The following TMLHE variants were observed in gnomAD, a reference collection of about 807,000 sequenced individuals.
The protein encoded by TMLHE is trimethyllysine hydroxylase, epsilon, also known as trimethyllysine dioxygenase, mitochondrial.
In TMLHE, 18 loss-of-function variants were observed where a neutral mutation model predicts 25.7. That is an observed-to-expected ratio of 0.70 (90% confidence interval 0.48 to 1.04). The LOEUF (loss-of-function observed/expected upper bound fraction) is 1.04. Ranked by LOEUF, TMLHE falls within the 50% of genes least tolerant of loss-of-function variation. TMLHE has a pLI of 0.00. For missense variants in TMLHE, 236 were observed against 259.0 expected (o/e 0.91, Z 0.61); for synonymous variants, 105 against 97.0 (o/e 1.08, Z -0.49).
intron 1 of TMLHE, among the ~76,000 whole-genome samples, chrX:155,602,923 G>T (rs782655506): frequency 6.2e-5 from 7 of 112,349 alleles, no homozygotes; most frequent in Non-Finnish European, 1.3e-4. Flanking sequence ...GAAAATTAAA[G>T]AAGATCTGAA....
chrX:155,612,297 T>G (rs900563958), intron 1 of TMLHE: 5 of 111,269 alleles, frequency 4.5e-5, no homozygotes, highest in Admixed American at 9.5e-5. Context: ...CAGAGAACAT[T>G]AGTGGATATG....
chrX:155,551,207 G>A (rs1428339311), intron 1 of TMLHE, among the ~76,000 whole-genome samples: 1 of 110,683 alleles, frequency 9.0e-6, no homozygotes, highest in African/African-American at 3.3e-5. Flanking sequence ...AGCAGCTCAT[G>A]TATTTTCTTT....
intron 1 of TMLHE, among the ~76,000 whole-genome samples, chrX:155,594,361 C>CA (rs2067709701): frequency 9.1e-6 from 1 of 110,442 alleles, no homozygotes; most frequent in Non-Finnish European, 1.9e-5. Context: ...ATCTGTCCTT[C>CA]AAAAATGAGG....
chrX:155,525,599 G>T (rs782055455), intron 2 of TMLHE, among the ~76,000 whole-genome samples: 1 of 111,942 alleles, frequency 8.9e-6, no homozygotes, highest in South Asian at 3.7e-4. Flanking sequence ...AGTTTGGAGG[G>T]CTCAGAAGAA....
In TMLHE at chrX:155,506,956, T is replaced by A. The variant is rs782793284; in HGVS notation, c.937A>T (p.Ile313Phe). Reference sequence around the variant, plus strand: ...ATATTTAAGACTGGCCCAATCCCAATCATGTGGTTGTGACATTCTCCAACA... The same window carrying A: ...ATATTTAAGACTGGCCCAATCCCAAACATGTGGTTGTGACATTCTCCAACA... ...EDVGECHNHM[I>F]GIGPVLNIYP... Residue 313 changes from isoleucine to phenylalanine, a missense_variant, in exon 6 of 8, where the codon ATT (isoleucine) becomes TTT (phenylalanine). Physicochemically the swap from Ile to Phe is conservative, Grantham distance 21 (BLOSUM62 0). This residue lies in a region of TMLHE where 19 missense variants were observed against 44.4 expected (regional missense o/e 0.43). Coordinates refer to ENST00000334398, the MANE Select transcript of TMLHE (RefSeq NM_018196.4). 44 of 1,208,001 alleles carry A rather than the reference T, an allele frequency of 3.6e-5. No homozygotes were observed. The highest frequency in any genetic ancestry group is 4.7e-5 in the Non-Finnish European group (42 of 894,049).
intron 1 of TMLHE, among the ~76,000 whole-genome samples, chrX:155,579,814 A>C (rs1557344273): frequency 1.8e-5 from 2 of 111,217 alleles, no homozygotes. Context: ...CTCACCACAT[A>C]AAAAAATCAA....
intron 1 of TMLHE, among the ~76,000 whole-genome samples, chrX:155,577,579 CAA>C (rs1354730869): frequency 6.1e-5 from 5 of 82,335 alleles, no homozygotes; most frequent in Non-Finnish European, 4.8e-5. Flanking sequence ...GACTCTGTCT[CAA>C]AAAAAAAAAA....
Position 155,547,281 on chromosome X carries a change from A to C in TMLHE, c.-1-2004T>G, listed in dbSNP as rs1400004369. 2.7e-4 allele frequency among the ~76,000 whole-genome samples: 24 copies of C among 88,175 alleles called. 1 individual carries two copies. The highest frequency in any genetic ancestry group is 5.2e-4 in the Non-Finnish European group (22 of 42,645). 76.6% of individuals were successfully genotyped at this position (88,175 alleles called of 115,157 possible). A position where few individuals can be genotyped will look rare whatever the true frequency, so the allele number is the denominator to read the frequency against. The stretch of plus-strand genomic sequence containing the variant: ...TGCCTCAGCCTCCCGAGTAGCTGGG[A>C]CTACAGGCACCTGCCACCACGCCCG... On this transcript the variant is annotated intron_variant, in intron 1 of 7. Coordinates refer to ENST00000334398, the MANE Select transcript of TMLHE (RefSeq NM_018196.4).
Position 155,573,599 on chromosome X carries a change from A to C in TMLHE, c.-1-28322T>G, listed in dbSNP as rs1384622041. 8.9e-5 allele frequency among the ~76,000 whole-genome samples: 5 copies of C among 56,377 alleles called. 1 individual carries two copies. Among genetic ancestry groups the C allele is most frequent in the African/African-American group, 2.1e-4 (5 of 23,604 alleles). The allele number at this position is 56,377 out of a possible 115,157, so 49.0% of individuals were successfully genotyped here. ...GAACCAACCCAAATGTCCAACAATG[A>C]TAGACTGGATTAAGAAAATGTGGCA... On this transcript the variant is annotated intron_variant, in intron 1 of 7. Coordinates refer to ENST00000334398, the MANE Select transcript of TMLHE (RefSeq NM_018196.4).
chrX:155,528,954 A>T (rs1206996228), intron 2 of TMLHE, among the ~76,000 whole-genome samples: 2 of 112,212 alleles, frequency 1.8e-5, no homozygotes, highest in Non-Finnish European at 3.8e-5. Context: ...TAGAAAAAAG[A>T]CTAAATGTCT....
At chrX:155,506,811 A>G in intron 6 of TMLHE, 87 bp downstream of exon 6, 1 of 728,221 alleles carries the variant, frequency 1.4e-6, no homozygotes, top group Admixed American at 2.5e-5. Flanking sequence ...AATGTAGCAG[A>G]TATAAGAATC....
Position 155,514,172 on chromosome X carries a change from A to G in TMLHE, c.452T>C (p.Leu151Pro), listed in dbSNP as rs1557334360. 1.7e-6 allele frequency: 2 copies of G among 1,211,231 alleles called. No homozygotes were observed. The highest frequency in any genetic ancestry group is 5.9e-5 in the East Asian group (2 of 33,821). ...QKQKVIQPRILWNAEIYQQAQ... is the reference protein window; with the variant it reads ...QKQKVIQPRIPWNAEIYQQAQ... ...TTGCTGGTAGATTTCAGCATTCCAT[A>G]GTATTCTAGGCTGGATGACTTTTTG... Residue 151 changes from leucine (L) to proline (P), a missense_variant, in exon 4 of 8, where the codon CTA becomes CCA. Leu to Pro is a moderately conservative substitution (Grantham distance 98). This residue lies in a region of TMLHE where 217 missense variants were observed against 214.6 expected (regional missense o/e 1.01). Coordinates refer to ENST00000334398, the MANE Select transcript of TMLHE (RefSeq NM_018196.4).
chrX:155,531,545 C>T (rs1193368670), intron 2 of TMLHE, among the ~76,000 whole-genome samples: 2 of 111,299 alleles, frequency 1.8e-5, no homozygotes, highest in Admixed American at 9.5e-5. Context: ...CCATCAGGCC[C>T]CATTTCTAAC....
At chrX:155,555,438 T>C (rs1557340644) in intron 1 of TMLHE, among the ~76,000 whole-genome samples, 1 of 110,495 alleles carries the variant, frequency 9.1e-6, no homozygotes, top group African/African-American at 3.3e-5. Flanking sequence ...TTGTAGATCC[T>C]TGAGGAATCA....
intron 1 of TMLHE, among the ~76,000 whole-genome samples, chrX:155,576,383 T>A (rs1204134486): frequency 8.9e-6 from 1 of 111,866 alleles, no homozygotes; most frequent in Middle Eastern, 4.2e-3. Flanking sequence ...TGGGAAAACA[T>A]TCCATGTTCA....
At chrX:155,508,701 A>C (rs1179678367) in intron 5 of TMLHE, among the ~76,000 whole-genome samples, 2 of 110,952 alleles carry the variant, frequency 1.8e-5, no homozygotes, top group Non-Finnish European at 3.8e-5. Flanking sequence ...GGTATGTCTC[A>C]GGGATCAAGT....
rs1383854432 is a variant in TMLHE, at chrX:155,489,855, AT to A, written c.*1679del. ...TCTAGGAACTCCCTGCAAACATCAG[AT>A]TAGGCTCTATTCTCTATCTGAATAC... On this transcript the variant is annotated 3_prime_UTR_variant, in exon 8 of 8. Transcript: ENST00000334398. Among the ~76,000 whole-genome samples, 1 of 11,995 alleles carries A rather than the reference AT, an allele frequency of 8.3e-5. No homozygotes were observed. Among genetic ancestry groups the A allele is most frequent in the African/African-American group, 2.9e-4 (1 of 3,487 alleles). The allele number at this position is 11,995 out of a possible 115,157, so 10.4% of individuals were successfully genotyped here. A position where few individuals can be genotyped will look rare whatever the true frequency, so the allele number is the denominator to read the frequency against.
intron 1 of TMLHE, among the ~76,000 whole-genome samples, chrX:155,557,812 A>G (rs1465385913): frequency 9.0e-6 from 1 of 111,317 alleles, no homozygotes; most frequent in East Asian, 2.8e-4. Context: ...TCAATACTTC[A>G]TTAAAAAAAG....
chrX:155,604,864 C>T (rs985953419), intron 1 of TMLHE, among the ~76,000 whole-genome samples: 10 of 111,963 alleles, frequency 8.9e-5, no homozygotes, highest in African/African-American at 2.9e-4. Context: ...ATAAAGACCC[C>T]GCACAAAGCT....
Sources: allele counts gnomAD v4.1 joint callset (sites outside exome capture counted in the v4.1 genomes callset), GRCh38; gene constraint gnomAD v4.1.1; regional missense constraint gnomAD v4.1.1; transcripts MANE v1.5; gene names NCBI Gene and HGNC (gene_info 2026-07-23, HGNC 2026-07-21).